AVEN: variants seen among roughly 807,000 people sequenced by gnomAD.
AVEN encodes apoptosis and caspase activation inhibitor, also known as cell death regulator Aven.
Under a neutral mutation model 38.1 loss-of-function variants are expected in AVEN, and 41 were observed. The observed-to-expected ratio is 1.08, with a 90% CI of 0.84 to 1.40. The LOEUF is 1.40. Ranked by LOEUF, AVEN falls within the 40% of genes most tolerant of loss-of-function variation. The probability of loss-of-function intolerance (pLI) is 0.00; values close to 1 mark genes in which losing one functional copy is unlikely to be tolerated. For synonymous variants in AVEN, 206 were observed against 171.8 expected (o/e 1.20, Z -1.56); for missense variants, 605 against 438.8 (o/e 1.38, Z -3.38).
rs1479578815 is a variant in AVEN at position 34,038,877 on chromosome 15, C to G, written c.170G>C (p.Arg57Pro). The change falls in exon 1 of 6, where the codon CGG (arginine) becomes CCG (proline). Residue 57 changes from arginine to proline, a missense_variant. Arg to Pro is a moderately radical substitution (Grantham distance 103). Coordinates refer to ENST00000306730, the MANE Select transcript of AVEN (RefSeq NM_020371.3). Reference protein sequence around the residue: ...GGGRRGRGRGRGFRGARGGRG... With the variant: ...GGGRRGRGRGPGFRGARGGRG... ...GCCTCCGCGAGCGCCGCGGAAGCCC[C>G]GGCCACGGCCACGGCCCCGGCGTCC... 8.8e-7 allele frequency: 1 copy of G among 1,139,350 alleles called. No individual in the cohort carries two copies. The allele number at this position is 1,139,350 out of a possible 1,614,324, so 70.6% of individuals were successfully genotyped here.
At chr15:33,990,967 C>T (rs1367102358) in intron 2 of AVEN, 1 of 152,060 alleles carries the variant, frequency 6.6e-6, no homozygotes, top group African/African-American at 2.4e-5. Flanking sequence ...TCCAAACAAA[C>T]CTCCCTCTGA....
chr15:33,928,563 G>A (rs973950114), intron 2 of AVEN, among the ~76,000 whole-genome samples: 3 of 152,174 alleles, frequency 2.0e-5, no homozygotes, highest in Non-Finnish European at 4.4e-5. Context: ...CAAGTAGAGT[G>A]CTCTCCAAGA....
intron 1 of AVEN, among the ~76,000 whole-genome samples, chr15:34,010,269 T>G (rs1230744691): frequency 6.6e-6 from 1 of 152,204 alleles, no homozygotes; most frequent in Non-Finnish European, 1.5e-5. Flanking sequence ...GGCCCACCTA[T>G]GAACAGTATA....
intron 2 of AVEN, chr15:33,990,886 T>A (rs1424970899): frequency 6.6e-6 from 1 of 152,198 alleles, no homozygotes; most frequent in African/African-American, 2.4e-5. Context: ...GATTTTAATA[T>A]AATAGAAGCA....
At chr15:34,070,488 A>G (rs1311171923) in intron 2 of AVEN, among the ~76,000 whole-genome samples, 1 of 151,798 alleles carries the variant, frequency 6.6e-6, no homozygotes, top group Non-Finnish European at 1.5e-5. Flanking sequence ...CTGACTTTCT[A>G]CCGAGAAAAA....
At chr15:33,945,764 T>C (rs1352089664) in intron 2 of AVEN, among the ~76,000 whole-genome samples, 1 of 152,132 alleles carries the variant, frequency 6.6e-6, no homozygotes, top group Non-Finnish European at 1.5e-5. Flanking sequence ...TTTTTTGTAT[T>C]TTCGTAGAGA....
At chr15:33,884,586 C>T (rs1477437) in intron 2 of AVEN, among the ~76,000 whole-genome samples, 132,245 of 152,192 alleles carry the variant, frequency 0.87, 57,726 homozygotes, top group East Asian at 0.99. Context: ...CTTGCTAGAA[C>T]TCCTCAGTAC....
intron 2 of AVEN, among the ~76,000 whole-genome samples, chr15:33,996,023 G>GAT (rs34229878): frequency 0.99 from 151,200 of 152,326 alleles, 75,053 homozygotes; most frequent in Middle Eastern, 1. Context: ...CACACCAGGA[G>GAT]TATATCCCAC....
At chr15:33,859,474 A>AG in intron 11 of AVEN, 2 of 1,353,346 alleles carry the variant, frequency 1.5e-6, no homozygotes, top group Admixed American at 3.7e-5. Flanking sequence ...CTCGTGGCTT[A>AG]GGGCTGCCAC....
chr15:33,988,386 T>C (rs1320013905), intron 2 of AVEN, among the ~76,000 whole-genome samples: 1 of 152,202 alleles, frequency 6.6e-6, no homozygotes, highest in Non-Finnish European at 1.5e-5. Flanking sequence ...TTGTACAAAT[T>C]GTTGAACTTT....
At chr15:33,861,037 T>G (rs1179779678) in intron 11 of AVEN, 5 of 1,408,942 alleles carry the variant, frequency 3.5e-6, no homozygotes, top group Non-Finnish European at 4.9e-6. Context: ...CCTGCCTATA[T>G]TATGCCAACA....
rs866215707 is a variant in AVEN at position 33,996,280 on chromosome 15, C to T, written c.445+6752G>A. Among the ~76,000 whole-genome samples the T allele has an allele frequency of 3.9e-5, 6 of 152,010 alleles. No individual in the cohort carries two copies. The South Asian group carries it at 6.2e-4, about 16-fold the overall frequency. The stretch of plus-strand genomic sequence containing the variant: ...ATAGCTGGACAAACGGCAGCAGAAA[C>T]TTCTGCAGACTTAAACGTCCCTGTC... On this transcript the variant is annotated intron_variant, in intron 2 of 5. Transcript: ENST00000306730.
intron 2 of AVEN, among the ~76,000 whole-genome samples, chr15:33,897,956 G>A (rs948318331): frequency 6.6e-6 from 1 of 152,148 alleles, no homozygotes; most frequent in Non-Finnish European, 1.5e-5. Context: ...TTGGGAGGTC[G>A]AAGGGGGCGG....
chr15:34,024,860 C>A (rs1323668592), intron 1 of AVEN, among the ~76,000 whole-genome samples: 2 of 145,980 alleles, frequency 1.4e-5, no homozygotes, highest in African/African-American at 2.6e-5. Context: ...GACTCCTTCT[C>A]AAAAAAAAAA....
chr15:33,863,482 G>T (rs77327859), downstream of AVEN, among the ~76,000 whole-genome samples: 5,860 of 152,096 alleles, frequency 0.039, 173 homozygotes, highest in Non-Finnish European at 0.039. Flanking sequence ...ATCCTTTTCC[G>T]GAAGGGCAAG....
Position 33,885,051 on chromosome 15 carries a change from T to C in AVEN, c.446-9056A>G, listed in dbSNP as rs1891648506. Among the ~76,000 whole-genome samples the C allele has an allele frequency of 2.6e-5, 4 of 152,184 alleles. No individual in the cohort carries two copies. In the South Asian group the frequency reaches 6.2e-4, roughly 24 times the overall value. On this transcript the variant is annotated intron_variant, in intron 2 of 5. Transcript: ENST00000306730. ...TTTTAAGCTCCATTTTCCTGGCTCCTCTTCATCATGATCATCTTCCTTTAT... is the reference window on the plus strand; with the variant it reads ...TTTTAAGCTCCATTTTCCTGGCTCCCCTTCATCATGATCATCTTCCTTTAT...
intron 2 of AVEN, among the ~76,000 whole-genome samples, chr15:33,920,525 G>C (rs148684390): frequency 0.013 from 1,944 of 152,226 alleles, 25 homozygotes; most frequent in Middle Eastern, 0.034. Context: ...TCCTAAATCT[G>C]ACTTATATCT....
At chr15:33,978,818 C>T (rs1202256665) in intron 2 of AVEN, among the ~76,000 whole-genome samples, 2 of 151,990 alleles carry the variant, frequency 1.3e-5, no homozygotes, top group African/African-American at 4.8e-5. Flanking sequence ...ATTAATAAAC[C>T]ACAAACTTAG....
At chr15:34,002,387 C>T (rs1315266932) in intron 2 of AVEN, among the ~76,000 whole-genome samples, 2 of 142,302 alleles carry the variant, frequency 1.4e-5, no homozygotes, top group East Asian at 2.5e-4. Context: ...TAAACTCTTA[C>T]GCCACACCTC....
Sources: allele counts gnomAD v4.1 joint callset (sites outside exome capture counted in the v4.1 genomes callset), GRCh38; gene constraint gnomAD v4.1.1; transcripts MANE v1.5; gene names NCBI Gene and HGNC (gene_info 2026-07-23, HGNC 2026-07-21).